The following RFFL variants were observed in gnomAD, a reference collection of about 807,000 sequenced individuals.
The protein encoded by RFFL is E3 ubiquitin-protein ligase rififylin.
RFFL carries 16 observed loss-of-function variants against 40.4 expected under a neutral mutation model. That is an observed-to-expected ratio of 0.40 (90% confidence interval 0.27 to 0.60). The LOEUF is 0.60. Ranked by LOEUF, RFFL falls within the 20% of genes least tolerant of loss-of-function variation. The pLI, the probability that RFFL is intolerant of heterozygous loss-of-function variation, is 0.47. For missense variants in RFFL, 367 were observed against 451.7 expected, an observed-to-expected ratio of 0.81 and a Z score of 1.70; for synonymous variants, 154 against 167.9, an observed-to-expected ratio of 0.92 and a Z score of 0.64.
In RFFL at chr17:35,040,401, A is replaced by G. The variant is rs546891664; in HGVS notation, c.-8-13840T>C. On this transcript the variant is annotated intron_variant, in intron 1 of 6. Transcript: ENST00000394597. ...CAGATCACTTGAGGTCGGGAGTTCA[A>G]GACCAGCCTGGCCAACATGGTGAAA... is the stretch of plus-strand genomic sequence containing the variant. 3.9e-4 allele frequency among the ~76,000 whole-genome samples: 59 copies of G among 152,142 alleles called. No individual in the cohort carries two copies. The East Asian group carries it at 0.011, about 30-fold the overall frequency.
intron 1 of RFFL, among the ~76,000 whole-genome samples, chr17:35,070,560 G>A (rs770113201): frequency 5.3e-5 from 8 of 152,300 alleles, no homozygotes; most frequent in Non-Finnish European, 1.0e-4. Flanking sequence ...CAAATTTTGA[G>A]TACATTTAAA....
intron 1 of RFFL, among the ~76,000 whole-genome samples, chr17:35,057,748 G>C (rs1226021066): frequency 6.6e-6 from 1 of 150,816 alleles, no homozygotes; most frequent in African/African-American, 2.4e-5. Flanking sequence ...ATATGATCCA[G>C]TTTCCACTTC....
chr17:35,026,240 T>A, intron 2 of RFFL, 134 bp downstream of exon 2: 1 of 828,380 alleles, frequency 1.2e-6, no homozygotes, highest in East Asian at 2.9e-5. Context: ...TGAACATTTT[T>A]GTGAAAGGGA....
At chr17:35,064,849 A>G (rs1283155992), upstream of RFFL, among the ~76,000 whole-genome samples, 6 of 152,216 alleles carry the variant, frequency 3.9e-5, no homozygotes. Context: ...AAACTATACT[A>G]CTTAATTTTC....
chr17:35,084,236 A>G (rs2142389481), intron 1 of RFFL, among the ~76,000 whole-genome samples: 1 of 152,306 alleles, frequency 6.6e-6, no homozygotes, highest in African/African-American at 2.4e-5. Context: ...TCCATCTCAA[A>G]AAAATAAATA....
At chr17:35,034,276 C>T (rs1288891702) in intron 1 of RFFL, among the ~76,000 whole-genome samples, 7 of 151,900 alleles carry the variant, frequency 4.6e-5, no homozygotes, top group African/African-American at 1.7e-4. Context: ...ATGTAGTGAG[C>T]TATGATCATG....
At chr17:35,034,271 G>A (rs2158293) in intron 1 of RFFL, among the ~76,000 whole-genome samples, 4,074 of 152,132 alleles carry the variant, frequency 0.027, 83 homozygotes, top group Middle Eastern at 0.071. Flanking sequence ...GGAGGATGTA[G>A]TGAGCTATGA....
At chr17:35,055,198 G>A (rs371341821) in intron 1 of RFFL, among the ~76,000 whole-genome samples, 1 of 152,078 alleles carries the variant, frequency 6.6e-6, no homozygotes, top group Non-Finnish European at 1.5e-5. Context: ...GATTACAGGC[G>A]TGAGCCACAG....
intron 1 of RFFL, among the ~76,000 whole-genome samples, chr17:35,056,734 C>A (rs1356631257): frequency 6.6e-6 from 1 of 152,036 alleles, no homozygotes; most frequent in East Asian, 1.9e-4. Context: ...ACTGCCATAT[C>A]CTGCCCTATC....
chr17:35,074,495 G>T (rs1455006582), intron 1 of RFFL: 1 of 152,144 alleles, frequency 6.6e-6, no homozygotes, highest in Non-Finnish European at 1.5e-5. Context: ...TCATCCTGAC[G>T]GAGTGTGAGG....
At chr17:35,078,371 T>C (rs954452211) in intron 1 of RFFL, among the ~76,000 whole-genome samples, 3 of 152,212 alleles carry the variant, frequency 2.0e-5, no homozygotes, top group African/African-American at 7.2e-5. Flanking sequence ...TGTGCAACCA[T>C]AGTTCATTAT....
intron 1 of RFFL, among the ~76,000 whole-genome samples, chr17:35,081,676 A>C (rs1006638463): frequency 6.6e-6 from 1 of 152,226 alleles, no homozygotes; most frequent in African/African-American, 2.4e-5. Context: ...TCTTAAAAAA[A>C]TGTACCCTGG....
At chr17:35,025,708 G>GC (rs71364693) in intron 2 of RFFL, among the ~76,000 whole-genome samples, 3,887 of 152,272 alleles carry the variant, frequency 0.026, 165 homozygotes, top group African/African-American at 0.087. Flanking sequence ...TTTACCTTCT[G>GC]CCTAGTCATG....
Position 35,057,924 on chromosome 17 carries a change from C to A in RFFL, c.-9+5652G>T, listed in dbSNP as rs377335592. On this transcript the variant is annotated intron_variant, in intron 1 of 6. Coordinates refer to ENST00000394597, the MANE Select transcript of RFFL (RefSeq NM_001017368.2). ...TATGAGGCAGACACTATGTTAGATA[C>A]TCGAAAGCAAAGCAGATGTATTTTT... 1.4e-3 allele frequency among the ~76,000 whole-genome samples: 213 copies of A among 151,690 alleles called. 1 individual carries two copies. Among genetic ancestry groups the A allele is most frequent in the African/African-American group, 5.1e-3 (210 of 41,336 alleles).
rs1895450401 is a variant in RFFL, at chr17:35,008,928, GCCCTTGTTTGTTTTTTTAAGTAGAGA to G, written c.*3014_*3039del. On this transcript the variant is annotated 3_prime_UTR_variant, in exon 7 of 7. Coordinates refer to ENST00000394597, the MANE Select transcript of RFFL (RefSeq NM_001017368.2). The stretch of plus-strand genomic sequence containing the variant: ...TTACAGGCGTGAGCCACCGCACCCG[GCCCTTGTTTGTTTTTTTAAGTAGAGA>G]CAAGGTCTCACTACATTGCCCAGGT... 6.6e-6 allele frequency: 1 copy of G among 152,228 alleles called. No homozygotes were observed. Among genetic ancestry groups the G allele is most frequent in the Non-Finnish European group, 1.5e-5 (1 of 68,080 alleles). 9.4% of individuals were successfully genotyped at this position (152,228 alleles called of 1,614,324 possible).
intron 1 of RFFL, among the ~76,000 whole-genome samples, chr17:35,088,540 C>A (rs965652346): frequency 6.6e-6 from 1 of 152,164 alleles, no homozygotes; most frequent in Non-Finnish European, 1.5e-5. Context: ...TGACCGCTGC[C>A]GCACAGTGGC....
At chr17:35,036,127 G>A (rs2091120550) in intron 1 of RFFL, among the ~76,000 whole-genome samples, 1 of 152,190 alleles carries the variant, frequency 6.6e-6, no homozygotes, top group Non-Finnish European at 1.5e-5. Context: ...ATTTCAGAGG[G>A]CGGAAGGAAA....
chr17:35,065,201 C>A (rs1263272904), upstream of RFFL, among the ~76,000 whole-genome samples: 1 of 151,778 alleles, frequency 6.6e-6, no homozygotes, highest in East Asian at 1.9e-4. Flanking sequence ...AAATATGGAA[C>A]CTCCTTCAGA....
At chr17:35,067,300 T>C (rs983122499), upstream of RFFL, among the ~76,000 whole-genome samples, 1 of 151,972 alleles carries the variant, frequency 6.6e-6, no homozygotes, top group Non-Finnish European at 1.5e-5. Context: ...GTATTTTAAG[T>C]AGAGACAGAG....
Sources: gnomAD v4.1 joint callset for allele counts (sites outside exome capture counted in the v4.1 genomes callset) on GRCh38, gnomAD v4.1.1 for gene constraint, MANE v1.5 for transcripts, NCBI Gene and HGNC (gene_info 2026-07-23, HGNC 2026-07-21) for gene names.